The following LRP1B variants were observed in gnomAD, a reference collection of about 807,000 sequenced individuals.
The protein encoded by LRP1B is low-density lipoprotein receptor-related protein 1B.
In LRP1B, 217 loss-of-function variants were observed where a neutral mutation model predicts 556.6. The observed-to-expected ratio is 0.39, with a 90% CI of 0.35 to 0.44. The LOEUF is 0.44. Ranked by LOEUF, LRP1B falls within the 20% of genes least tolerant of loss-of-function variation. The probability of loss-of-function intolerance (pLI) is 1.00; values close to 1 mark genes in which losing one functional copy is unlikely to be tolerated. For missense variants in LRP1B, 5,053 were observed against 5,620.8 expected (o/e 0.90, Z 3.23); for synonymous variants, 2,047 against 1,865.8 (o/e 1.10, Z -2.50).
Position 140,526,327 on chromosome 2 carries a change from A to T in LRP1B, c.7786T>A (p.Phe2596Ile). The change falls in exon 48 of 91, where the codon TTC becomes ATC. Residue 2596 changes from phenylalanine (F) to isoleucine (I), a missense_variant. This residue lies in a region of LRP1B where 3,619 missense variants were observed against 3,931.9 expected (regional missense o/e 0.92). Transcript: ENST00000389484. Reference protein sequence around the residue: ...CKVSTCATVEFRCADGTCIPR... With the variant: ...CKVSTCATVEIRCADGTCIPR... ...ATACAAGTCCCATCTGCACAGCGGA[A>T]CTCAACCGTGGCACAGGTTGAAACT... 1 of 1,611,654 alleles carries T rather than the reference A, an allele frequency of 6.2e-7. No homozygotes were observed. The highest frequency in any genetic ancestry group is 1.1e-5 in the South Asian group (1 of 91,008).
At position 141,884,730 on chromosome 2, in the gene LRP1B, G is replaced by T. The variant is rs138939560; in HGVS notation, c.83-74329C>A. ...AGCTAAAAGTCACTATGAATGGGCC[G>T]ATGTGGATAGTCTTCCTCAAATTGC... is the stretch of plus-strand genomic sequence containing the variant. On this transcript the variant is annotated intron_variant, in intron 1 of 90. Transcript: ENST00000389484. Among the ~76,000 whole-genome samples, 1,274 of 152,294 alleles carry T rather than the reference G, an allele frequency of 8.4e-3. 16 individuals are homozygous for T. Among genetic ancestry groups the T allele is most frequent in the East Asian group, 0.02 (104 of 5,184 alleles).
At chr2:141,731,364 A>T (rs991970640) in intron 2 of LRP1B, among the ~76,000 whole-genome samples, 10 of 152,120 alleles carry the variant, frequency 6.6e-5, no homozygotes, top group Non-Finnish European at 1.5e-4. Context: ...CTGCTGGCTT[A>T]GGCCCTGTCT....
chr2:140,269,058 TTC>T (rs1367388951), intron 86 of LRP1B, among the ~76,000 whole-genome samples: 1 of 152,046 alleles, frequency 6.6e-6, no homozygotes, highest in Non-Finnish European at 1.5e-5. Context: ...CTTTTTCATT[TTC>T]TCTGTTATAT....
rs148768844 is a variant in LRP1B, at chr2:141,899,776, G to A, written c.83-89375C>T. Among the ~76,000 whole-genome samples the A allele has an allele frequency of 6.5e-3, 983 of 152,188 alleles. 2 individuals are homozygous for A. The highest frequency in any genetic ancestry group is 0.01 in the Middle Eastern group (3 of 294). ...AATAAATGAAAAATAATATCAAAAT[G>A]TGACACTGCACCTCAGAAATGGATT... On this transcript the variant is annotated intron_variant, in intron 1 of 90. Coordinates refer to ENST00000389484, the MANE Select transcript of LRP1B (RefSeq NM_018557.3).
chr2:140,280,914 T>C lies in LRP1B; in HGVS notation c.12968-6316A>G, dbSNP rs549696534. On this transcript the variant is annotated intron_variant, in intron 84 of 90. Transcript: ENST00000389484. ...TCACAATATAAAAATTTTTATAACC[T>C]CTGTTAGGGTAATTACACTAAGAAC... Among the ~76,000 whole-genome samples, 104 of 151,870 alleles carry C rather than the reference T, an allele frequency of 6.8e-4. 1 individual carries two copies. Among genetic ancestry groups the C allele is most frequent in the African/African-American group, 2.4e-3 (99 of 41,498 alleles).
intron 2 of LRP1B, among the ~76,000 whole-genome samples, chr2:141,498,007 G>C (rs377442344): frequency 6.6e-6 from 1 of 151,810 alleles, no homozygotes. Context: ...TAAATATTGT[G>C]ACTTTTCAAA....
chr2:141,132,177 C>T (rs1212805468), intron 7 of LRP1B, among the ~76,000 whole-genome samples: 1 of 151,962 alleles, frequency 6.6e-6, no homozygotes, highest in Admixed American at 6.6e-5. Context: ...TCCATCAAAA[C>T]TCATGATGAA....
intron 11 of LRP1B, among the ~76,000 whole-genome samples, chr2:141,035,449 C>T (rs1046652907): frequency 2.5e-4 from 38 of 151,920 alleles, no homozygotes; most frequent in Admixed American, 1.1e-3. Context: ...TTTAGTCCCT[C>T]GTTTCATTTA....
intron 1 of LRP1B, among the ~76,000 whole-genome samples, chr2:142,069,895 AT>A (rs2104909078): frequency 6.6e-6 from 1 of 151,890 alleles, no homozygotes; most frequent in East Asian, 1.9e-4. Context: ...TTATAAAACA[AT>A]TTGTGCAGTA....
intron 89 of LRP1B, among the ~76,000 whole-genome samples, chr2:140,235,468 A>G (rs556641505): frequency 6.6e-6 from 1 of 151,344 alleles, no homozygotes; most frequent in South Asian, 2.1e-4. Context: ...GGTTGCTTCA[A>G]TATGGCCCTT....
intron 3 of LRP1B, among the ~76,000 whole-genome samples, chr2:141,366,046 T>C (rs1689024170): frequency 1.3e-5 from 2 of 152,186 alleles, no homozygotes; most frequent in Non-Finnish European, 1.5e-5. Flanking sequence ...TAATCATTAT[T>C]TTAAGTTGAT....
At chr2:140,398,020 G>A (rs745619841) in intron 66 of LRP1B, among the ~76,000 whole-genome samples, 17 of 151,962 alleles carry the variant, frequency 1.1e-4, no homozygotes, top group East Asian at 5.8e-4. Flanking sequence ...CTTTTCTCAC[G>A]TAAGATGAAG....
intron 41 of LRP1B, among the ~76,000 whole-genome samples, chr2:140,652,204 GA>G (rs996005693): frequency 2.2e-5 from 3 of 134,118 alleles, no homozygotes; most frequent in South Asian, 2.4e-4. Flanking sequence ...TTGATACAGT[GA>G]AAAAAAACAG....
chr2:141,719,137 G>T (rs974661684), intron 2 of LRP1B, among the ~76,000 whole-genome samples: 4 of 152,036 alleles, frequency 2.6e-5, no homozygotes, highest in African/African-American at 7.2e-5. Flanking sequence ...CCTCAGACAG[G>T]CATTACTATC....
intron 43 of LRP1B, among the ~76,000 whole-genome samples, chr2:140,556,195 T>C (rs999665136): frequency 9.9e-5 from 15 of 152,060 alleles, no homozygotes; most frequent in Admixed American, 1.3e-4. Context: ...ACCTTCTCTC[T>C]CCTTTCTCCC....
intron 41 of LRP1B, among the ~76,000 whole-genome samples, chr2:140,669,863 A>T (rs1685418610): frequency 6.6e-6 from 1 of 152,148 alleles, no homozygotes; most frequent in African/African-American, 2.4e-5. Flanking sequence ...ACACATATTA[A>T]TTCATATTAC....
chr2:141,969,832 A>AT (rs972215224), intron 1 of LRP1B, among the ~76,000 whole-genome samples: 51 of 151,564 alleles, frequency 3.4e-4, no homozygotes, highest in African/African-American at 1.2e-3. Flanking sequence ...TATTTTTGGT[A>AT]TTTTTAGGAA....
chr2:140,983,337 G>C (rs1558781444), intron 17 of LRP1B, among the ~76,000 whole-genome samples: 1 of 152,088 alleles, frequency 6.6e-6, no homozygotes, highest in South Asian at 2.1e-4. Flanking sequence ...TGAACAGATA[G>C]TGAATAATTG....
At chr2:141,505,518 G>A (rs1358793656) in intron 2 of LRP1B, among the ~76,000 whole-genome samples, 1 of 152,000 alleles carries the variant, frequency 6.6e-6, no homozygotes, top group East Asian at 1.9e-4. Context: ...TGAAGCTGTG[G>A]ACTGAAATCT....
Sources: gnomAD v4.1 joint callset for allele counts (sites outside exome capture counted in the v4.1 genomes callset) on GRCh38, gnomAD v4.1.1 for gene constraint, gnomAD v4.1.1 regional missense constraint, MANE v1.5 for transcripts, NCBI Gene and HGNC (gene_info 2026-07-23, HGNC 2026-07-21) for gene names.